NRG4: variants seen among roughly 807,000 people sequenced by gnomAD.
NRG4 encodes the protein pro-neuregulin-4, membrane-bound isoform.
NRG4 carries 10 observed loss-of-function variants against 15.0 expected under a neutral mutation model. The observed-to-expected ratio is 0.67, with a 90% CI of 0.41 to 1.13. The LOEUF (loss-of-function observed/expected upper bound fraction) is 1.13, where lower values mean the gene tolerates loss of function less well. Among genes scored for constraint, NRG4 ranks in the 50% most tolerant of loss-of-function variants. The probability of loss-of-function intolerance (pLI) is 0.00; values close to 1 mark genes in which losing one functional copy is unlikely to be tolerated. For synonymous variants in NRG4, 41 were observed against 50.1 expected (o/e 0.82, Z 0.77); for missense variants, 139 against 140.2 (o/e 0.99, Z 0.04).
At position 75,941,629 on chromosome 15, in the gene NRG4, A is replaced by C. The variant is rs1380313925; in HGVS notation, c.*2009T>G. 6.6e-6 allele frequency: 1 copy of C among 152,210 alleles called. No individual in the cohort carries two copies. The highest frequency in any genetic ancestry group is 2.4e-5 in the African/African-American group (1 of 41,458). 9.4% of individuals were successfully genotyped at this position (152,210 alleles called of 1,614,324 possible). The stretch of plus-strand genomic sequence containing the variant: ...CTTCTACATACTACATCATGGATGA[A>C]CCTTTCAGACATTAAGTAAATCACA... On this transcript the variant is annotated 3_prime_UTR_variant, in exon 6 of 6. Coordinates refer to ENST00000394907, the MANE Select transcript of NRG4 (RefSeq NM_138573.4).
chr15:75,981,648 C>T (rs1045859898), intron 3 of NRG4, among the ~76,000 whole-genome samples: 1 of 152,134 alleles, frequency 6.6e-6, no homozygotes, highest in African/African-American at 2.4e-5. Flanking sequence ...CTGTGAGTGA[C>T]CCAAGATGAC....
chr15:76,039,933 C>G (rs2035689834), intron 4 of NRG4, among the ~76,000 whole-genome samples: 1 of 152,030 alleles, frequency 6.6e-6, no homozygotes. Flanking sequence ...ACTTGAGAGG[C>G]TGAGGCATGA....
chr15:76,024,824 G>A (rs1237103972), intron 5 of NRG4, among the ~76,000 whole-genome samples: 1 of 152,058 alleles, frequency 6.6e-6, no homozygotes, highest in Non-Finnish European at 1.5e-5. Context: ...TGATAATCTA[G>A]ACCCAAAACC....
intron 4 of NRG4, among the ~76,000 whole-genome samples, chr15:76,042,163 A>G (rs949327703): frequency 6.6e-6 from 1 of 152,090 alleles, no homozygotes; most frequent in Non-Finnish European, 1.5e-5. Context: ...GCCAAAACCT[A>G]TGGGATACAG....
At chr15:75,967,225 C>G (rs2032842957) in intron 3 of NRG4, among the ~76,000 whole-genome samples, 1 of 150,872 alleles carries the variant, frequency 6.6e-6, no homozygotes, top group African/African-American at 2.4e-5. Flanking sequence ...TGAGAGAAGA[C>G]TAGCTTGTGA....
At chr15:76,041,211 A>G (rs1485511616) in intron 4 of NRG4, among the ~76,000 whole-genome samples, 1 of 152,104 alleles carries the variant, frequency 6.6e-6, no homozygotes, top group Non-Finnish European at 1.5e-5. Context: ...AGAGAAAATC[A>G]CCTTCACTAA....
chr15:75,939,746 T>C (rs1263222993), downstream of NRG4: 3 of 152,086 alleles, frequency 2.0e-5, no homozygotes, highest in Non-Finnish European at 4.4e-5. Context: ...AAAATCAATA[T>C]AATATACTAC....
chr15:76,026,794 A>G (rs1055777519), intron 5 of NRG4, among the ~76,000 whole-genome samples: 3 of 152,198 alleles, frequency 2.0e-5, no homozygotes, highest in Non-Finnish European at 4.4e-5. Flanking sequence ...TAAATACTCC[A>G]TTTAAAAGAT....
chr15:75,973,240 G>A (rs1487742286), intron 3 of NRG4, among the ~76,000 whole-genome samples: 1 of 152,212 alleles, frequency 6.6e-6, no homozygotes, highest in African/African-American at 2.4e-5. Flanking sequence ...AGACGTTGCT[G>A]AAGTTGTTTT....
chr15:76,022,975 T>C (rs1282230498), intron 5 of NRG4, among the ~76,000 whole-genome samples: 1 of 152,038 alleles, frequency 6.6e-6, no homozygotes, highest in Non-Finnish European at 1.5e-5. Context: ...ACACCCACAG[T>C]ATAGCTGAGC....
At chr15:76,024,233 C>T (rs1270183133) in intron 5 of NRG4, among the ~76,000 whole-genome samples, 1 of 152,218 alleles carries the variant, frequency 6.6e-6, no homozygotes, top group Non-Finnish European at 1.5e-5. Context: ...ATGTCCACTT[C>T]CTAGGCCTGA....
intron 3 of NRG4, among the ~76,000 whole-genome samples, chr15:75,979,154 T>C (rs911113096): frequency 1.3e-5 from 2 of 152,214 alleles, no homozygotes; most frequent in Non-Finnish European, 2.9e-5. Context: ...TGTTTGCTTT[T>C]GTTACCTGTG....
chr15:76,018,539 T>C (rs1321837355), intron 5 of NRG4, among the ~76,000 whole-genome samples: 2 of 152,160 alleles, frequency 1.3e-5, no homozygotes, highest in Admixed American at 1.3e-4. Flanking sequence ...TTGATGTTGA[T>C]GCGATTCCTT....
intron 3 of NRG4, among the ~76,000 whole-genome samples, chr15:76,006,950 G>A (rs913545919): frequency 6.6e-6 from 1 of 151,984 alleles, no homozygotes; most frequent in Non-Finnish European, 1.5e-5. Flanking sequence ...ATAGCTTAAC[G>A]GACCAAGTAC....
chr15:75,955,097 C>G (rs1177561195), intron 5 of NRG4, among the ~76,000 whole-genome samples: 2 of 152,092 alleles, frequency 1.3e-5, no homozygotes, highest in Non-Finnish European at 2.9e-5. Flanking sequence ...GTGATTTTTT[C>G]CACAACCTCA....
chr15:76,044,711 T>C (rs1158861751), intron 4 of NRG4, among the ~76,000 whole-genome samples: 1 of 149,472 alleles, frequency 6.7e-6, no homozygotes, highest in Admixed American at 6.6e-5. Flanking sequence ...GGCGGGCACC[T>C]GTAGTCCCAG....
intron 5 of NRG4, among the ~76,000 whole-genome samples, chr15:76,025,530 A>G (rs1410663256): frequency 6.6e-6 from 1 of 152,186 alleles, no homozygotes; most frequent in African/African-American, 2.4e-5. Context: ...ATATCATAAA[A>G]AAGAATCAAA....
At chr15:75,946,412 C>T (rs1055296629) in intron 5 of NRG4, among the ~76,000 whole-genome samples, 6 of 152,198 alleles carry the variant, frequency 3.9e-5, no homozygotes, top group African/African-American at 1.2e-4. Context: ...GGCTGGAGTG[C>T]AGTGGCACGA....
At chr15:76,004,158 G>C (rs953658448) in intron 3 of NRG4, among the ~76,000 whole-genome samples, 1 of 152,162 alleles carries the variant, frequency 6.6e-6, no homozygotes, top group African/African-American at 2.4e-5. Context: ...GAGCTACAAA[G>C]AAGCAGAGTT....
Sources: allele counts gnomAD v4.1 joint callset (sites outside exome capture counted in the v4.1 genomes callset), GRCh38; gene constraint gnomAD v4.1.1; transcripts MANE v1.5; gene names NCBI Gene and HGNC (gene_info 2026-07-23, HGNC 2026-07-21).